USP49: variants seen among roughly 807,000 people sequenced by gnomAD.
USP49 encodes ubiquitin specific peptidase 49, also known as ubiquitin carboxyl-terminal hydrolase 49.
A neutral mutation model predicts 58.6 loss-of-function variants in USP49; 24 were observed. The observed-to-expected ratio is 0.41, with a 90% CI of 0.30 to 0.58. The LOEUF (loss-of-function observed/expected upper bound fraction) is 0.58, where lower values mean the gene tolerates loss of function less well. Ranked by LOEUF, USP49 falls within the 20% of genes least tolerant of loss-of-function variation. The pLI is 0.30. For synonymous variants in USP49, 408 were observed against 365.1 expected (o/e 1.12, Z -1.34); for missense variants, 703 against 866.1 (o/e 0.81, Z 2.36).
At chr6:41,848,962 G>C (rs1773972426) in intron 3 of USP49, among the ~76,000 whole-genome samples, 1 of 152,088 alleles carries the variant, frequency 6.6e-6, no homozygotes. Flanking sequence ...GCCTGCCAAA[G>C]TGTTGGAATT....
Position 41,799,321 on chromosome 6 carries a change from G to C in USP49, c.1671-392C>G, listed in dbSNP as rs145862079. On this transcript the variant is annotated intron_variant, in intron 6 of 7. Transcript: ENST00000682992. ...GGGTTTTAACCATGTTGCCGAGGCTGGTCTCAAACTCCTGAGCTCAAGCAA... is the reference window on the plus strand; with the variant it reads ...GGGTTTTAACCATGTTGCCGAGGCTCGTCTCAAACTCCTGAGCTCAAGCAA... Among the ~76,000 whole-genome samples, 1,186 of 152,132 alleles carry C rather than the reference G, an allele frequency of 7.8e-3. 14 individuals are homozygous for C. Among genetic ancestry groups the C allele is most frequent in the African/African-American group, 0.026 (1,098 of 41,484 alleles).
intron 3 of USP49, among the ~76,000 whole-genome samples, chr6:41,820,800 G>A (rs1053142119): frequency 3.3e-5 from 5 of 152,106 alleles, no homozygotes; most frequent in African/African-American, 1.2e-4. Context: ...AGGAGTTCAA[G>A]ACCAGCCTGG....
intron 2 of USP49, among the ~76,000 whole-genome samples, chr6:41,875,366 C>T (rs1774485650): frequency 6.6e-6 from 1 of 152,178 alleles, no homozygotes; most frequent in Non-Finnish European, 1.5e-5. Context: ...AAACTATAAA[C>T]ATTTATTAAC....
At chr6:41,846,123 T>C (rs1773917635) in intron 3 of USP49, among the ~76,000 whole-genome samples, 1 of 152,028 alleles carries the variant, frequency 6.6e-6, no homozygotes, top group South Asian at 2.1e-4. Context: ...CGAGAGCAGC[T>C]GGACCAACAT....
intron 3 of USP49, among the ~76,000 whole-genome samples, chr6:41,854,248 C>G (rs1226987046): frequency 7.2e-6 from 1 of 138,968 alleles, no homozygotes; most frequent in Non-Finnish European, 1.5e-5. Context: ...ACCCAGGAGG[C>G]GGAGGTTGCA....
chr6:41,812,056 T>C (rs756778756), intron 3 of USP49, among the ~76,000 whole-genome samples: 1 of 152,032 alleles, frequency 6.6e-6, no homozygotes, highest in Non-Finnish European at 1.5e-5. Flanking sequence ...AATCTGAACC[T>C]GGAGAGGCTT....
chr6:41,860,755 C>T (rs936570026), intron 3 of USP49, among the ~76,000 whole-genome samples: 1 of 152,082 alleles, frequency 6.6e-6, no homozygotes, highest in Non-Finnish European at 1.5e-5. Flanking sequence ...CGTGATCCAC[C>T]TGCCTCAGCC....
chr6:41,870,894 T>C (rs1016298858), intron 3 of USP49, among the ~76,000 whole-genome samples: 9 of 151,482 alleles, frequency 5.9e-5, no homozygotes, highest in African/African-American at 2.2e-4. Flanking sequence ...TCTACAAAAA[T>C]ACAAAAATTA....
At chr6:41,869,230 A>C (rs1441266128) in intron 3 of USP49, among the ~76,000 whole-genome samples, 2 of 152,104 alleles carry the variant, frequency 1.3e-5, no homozygotes, top group Non-Finnish European at 2.9e-5. Flanking sequence ...TATCAGAGAT[A>C]ATCTTCAAAA....
At chr6:41,817,144 C>T (rs997162876) in intron 3 of USP49, among the ~76,000 whole-genome samples, 4 of 107,268 alleles carry the variant, frequency 3.7e-5, no homozygotes, top group African/African-American at 4.4e-5. Flanking sequence ...CTGGCTCCCA[C>T]GCATGCTTTT....
intron 3 of USP49, among the ~76,000 whole-genome samples, chr6:41,861,748 G>C (rs2127355077): frequency 6.7e-6 from 1 of 150,176 alleles, no homozygotes; most frequent in Admixed American, 6.7e-5. Context: ...CTGTTGCCTA[G>C]GCAGGAGTGC....
chr6:41,858,500 T>C (rs1224639196), intron 3 of USP49, among the ~76,000 whole-genome samples: 1 of 152,158 alleles, frequency 6.6e-6, no homozygotes, highest in African/African-American at 2.4e-5. Flanking sequence ...CATATCTTTA[T>C]AATGACCAAT....
At chr6:41,870,654 A>T (rs961813426) in intron 3 of USP49, among the ~76,000 whole-genome samples, 2 of 147,272 alleles carry the variant, frequency 1.4e-5, no homozygotes, top group Non-Finnish European at 3.0e-5. Context: ...CTGTCACCTT[A>T]GCCTCCCGAG....
rs1326396241 is a variant in USP49, at chr6:41,803,273, A to G, written c.1561+533T>C. Among the ~76,000 whole-genome samples the G allele has an allele frequency of 3.3e-5, 5 of 150,982 alleles. No individual in the cohort carries two copies. Among genetic ancestry groups the G allele is most frequent in the Non-Finnish European group, 4.4e-5 (3 of 67,736 alleles). On this transcript the variant is annotated intron_variant, in intron 5 of 7. Coordinates refer to ENST00000682992, the MANE Select transcript of USP49 (RefSeq NM_001286554.2). The surrounding 1 kb of genome is among the most constrained non-coding windows in gnomAD (Gnocchi z 4.1). ...ACAACTAATGTCAATCAGGAGGTCA[A>G]TCAACTCCTAGGTCTTTGTTTCATT...
At chr6:41,822,119 G>A (rs1773463407) in intron 3 of USP49, among the ~76,000 whole-genome samples, 1 of 152,314 alleles carries the variant, frequency 6.6e-6, no homozygotes, top group African/African-American at 2.4e-5. Flanking sequence ...CACTATAACA[G>A]TTAACTACCA....
chr6:41,860,884 A>T (rs1774209402), intron 3 of USP49, among the ~76,000 whole-genome samples: 3 of 152,116 alleles, frequency 2.0e-5, no homozygotes, highest in Admixed American at 2.0e-4. Context: ...TAATCCTAGC[A>T]CTTTGGGAGG....
At chr6:41,881,927 G>C (rs1264218116) in intron 2 of USP49, among the ~76,000 whole-genome samples, 1 of 151,880 alleles carries the variant, frequency 6.6e-6, no homozygotes, top group Non-Finnish European at 1.5e-5. Flanking sequence ...AGATGCCAAA[G>C]CTTCGTAAAT....
In USP49 at chr6:41,793,869, C is replaced by CT. The variant is rs1380839968; in HGVS notation, c.*2663dup. On this transcript the variant is annotated 3_prime_UTR_variant, in exon 8 of 8. Transcript: ENST00000682992. ...TACAAAGGGTTCCTGGAATGAGACT[C>CT]TTAACTACTTGCCCTGGGAGAGAAG... is the stretch of plus-strand genomic sequence containing the variant. 1.1e-4 allele frequency: 17 copies of CT among 152,208 alleles called. No homozygotes were observed. Among genetic ancestry groups the CT allele is most frequent in the African/African-American group, 3.9e-4 (16 of 41,452 alleles). 9.4% of individuals were successfully genotyped at this position (152,208 alleles called of 1,614,324 possible).
chr6:41,867,126 GA>G (rs2127357495), intron 3 of USP49, among the ~76,000 whole-genome samples: 1 of 152,226 alleles, frequency 6.6e-6, no homozygotes, highest in South Asian at 2.1e-4. Context: ...GCTATTTGAA[GA>G]AAAGAAAAGC....
Sources: allele counts gnomAD v4.1 joint callset (sites outside exome capture counted in the v4.1 genomes callset), GRCh38; gene constraint gnomAD v4.1.1; non-coding constraint Gnocchi (gnomAD v3.1); transcripts MANE v1.5; gene names NCBI Gene and HGNC (gene_info 2026-07-23, HGNC 2026-07-21).